FKBP3: variants seen among roughly 807,000 people sequenced by gnomAD.
FKBP3 encodes the protein peptidyl-prolyl cis-trans isomerase FKBP3.
In FKBP3, 21 loss-of-function variants were observed where a neutral mutation model predicts 30.6. The observed-to-expected ratio is 0.69, with a 90% CI of 0.49 to 0.99. FKBP3 has a LOEUF of 0.99. FKBP3 is among the 50% of genes least tolerant of loss of function. The probability of loss-of-function intolerance (pLI) is 0.00; values close to 1 mark genes in which losing one functional copy is unlikely to be tolerated. For missense variants in FKBP3, 283 were observed against 261.6 expected, an observed-to-expected ratio of 1.08 and a Z score of -0.56; for synonymous variants, 82 against 91.3, an observed-to-expected ratio of 0.90 and a Z score of 0.58.
chr14:45,134,301 A>C (rs1885319869), intron 1 of FKBP3, 48 bp downstream of exon 1: 3 of 1,402,416 alleles, frequency 2.1e-6, no homozygotes, highest in Non-Finnish European at 3.0e-6. Context: ...CAGGGGGGTG[A>C]GGCGTCCCTC....
intron 3 of FKBP3, among the ~76,000 whole-genome samples, chr14:45,128,580 T>C (rs1307543939): frequency 6.6e-6 from 1 of 152,040 alleles, no homozygotes; most frequent in Admixed American, 6.6e-5. Flanking sequence ...TCCCAAAGCA[T>C]GAAGACAGAG....
At chr14:45,123,236 A>G (rs1383341318) in intron 3 of FKBP3, among the ~76,000 whole-genome samples, 1 of 151,944 alleles carries the variant, frequency 6.6e-6, no homozygotes, top group Non-Finnish European at 1.5e-5. Context: ...CTTGGGCAAA[A>G]GATTCTCTCC....
intron 4 of FKBP3, among the ~76,000 whole-genome samples, chr14:45,121,239 A>C (rs1460997100): frequency 6.6e-6 from 1 of 152,194 alleles, no homozygotes; most frequent in African/African-American, 2.4e-5. Context: ...CTAATGCCTT[A>C]CTTTGGGACA....
At chr14:45,117,985 T>C (rs921748462) in intron 6 of FKBP3, 43 bp downstream of exon 6, 1 of 1,363,402 alleles carries the variant, frequency 7.3e-7, no homozygotes, top group Admixed American at 2.1e-5. Flanking sequence ...ATCTAGACGT[T>C]TTTTTTTTTT....
Position 45,121,468 on chromosome 14 carries a change from A to C in FKBP3, c.454+17T>G. ...AATCTCTTTAAGCCAAAAACATAAG[A>C]TTCCATTTAGACTTACTTGTTTGAA... On this transcript the variant is annotated intron_variant, in intron 4 of 6. Coordinates refer to ENST00000396062, the MANE Select transcript of FKBP3 (RefSeq NM_002013.4). 1.2e-6 allele frequency: 2 copies of C among 1,604,216 alleles called. No individual in the cohort carries two copies. The highest frequency in any genetic ancestry group is 1.7e-6 in the Non-Finnish European group (2 of 1,174,196).
intron 5 of FKBP3, among the ~76,000 whole-genome samples, chr14:45,118,853 ATTTTTTTC>A (rs975048656): frequency 2.6e-5 from 4 of 151,860 alleles, no homozygotes; most frequent in Admixed American, 6.6e-5. Context: ...CATAAAATAC[ATTTTTTTC>A]TTTTTTTCTT....
intron 3 of FKBP3, among the ~76,000 whole-genome samples, chr14:45,124,836 A>G (rs1015713956): frequency 4.6e-5 from 7 of 152,240 alleles, no homozygotes; most frequent in Admixed American, 2.0e-4. Context: ...AGGACATGTT[A>G]GAATCTGGGT....
chr14:45,131,801 G>C (rs1427646470), intron 1 of FKBP3, among the ~76,000 whole-genome samples: 9 of 152,100 alleles, frequency 5.9e-5, no homozygotes, highest in Non-Finnish European at 1.0e-4. Flanking sequence ...TTAGCATAGA[G>C]CCTGTCACAC....
chr14:45,116,780 C>T (rs767100992), intron 6 of FKBP3, among the ~76,000 whole-genome samples: 25 of 151,984 alleles, frequency 1.6e-4, no homozygotes, highest in Non-Finnish European at 2.9e-4. Flanking sequence ...TGCTTGAGCC[C>T]GGGAGGCAGA....
intron 6 of FKBP3, 44 bp downstream of exon 6, chr14:45,117,983 GT>G (rs752228117): frequency 0.022 from 22,164 of 990,050 alleles, no homozygotes; most frequent in East Asian, 0.033. Flanking sequence ...TGATCTAGAC[GT>G]TTTTTTTTTT....
chr14:45,131,049 A>C (rs1490615895), intron 1 of FKBP3: 1 of 274,338 alleles, frequency 3.6e-6, no homozygotes, highest in East Asian at 7.0e-5. Context: ...GTTTCATCCT[A>C]AACTTTTTCC....
In FKBP3 at chr14:45,116,299, A is replaced by G. The variant is rs747724449; in HGVS notation, c.621-47T>C. 4 of 1,371,388 alleles carry G rather than the reference A, an allele frequency of 2.9e-6. No individual in the cohort carries two copies. The South Asian group carries it at 4.6e-5, about 16-fold the overall frequency. 85.0% of individuals were successfully genotyped at this position (1,371,388 alleles called of 1,614,324 possible). A position where few individuals can be genotyped will look rare whatever the true frequency, so the allele number is the denominator to read the frequency against. ...ATTTGATAAAAAGTGCCTCTCCCCT[A>G]CCCCCATAACCTTAGTGTAGGATAG... On this transcript the variant is annotated intron_variant, in intron 6 of 6. Coordinates refer to ENST00000396062, the MANE Select transcript of FKBP3 (RefSeq NM_002013.4).
chr14:45,121,396 A>G, intron 4 of FKBP3, 89 bp downstream of exon 4: 1 of 1,063,784 alleles, frequency 9.4e-7, no homozygotes, highest in Non-Finnish European at 1.4e-6. Flanking sequence ...GACAGTCAGG[A>G]AAAAGGTACT....
chr14:45,118,164 C>CA, intron 5 of FKBP3, 39 bp from the exon 6 acceptor site: 3 of 1,295,768 alleles, frequency 2.3e-6, no homozygotes, highest in South Asian at 2.5e-5. Context: ...TGGTATTTTG[C>CA]AAAAAGCACA....
Position 45,120,809 on chromosome 14 carries a change from A to T in FKBP3, c.522+78T>A, listed in dbSNP as rs541083057. The T allele has an allele frequency of 1.5e-3, 1,753 of 1,190,728 alleles. 4 individuals are homozygous for T. The highest frequency in any genetic ancestry group is 2.0e-3 in the Non-Finnish European group (1,621 of 803,164). 73.8% of individuals were successfully genotyped at this position (1,190,728 alleles called of 1,614,324 possible). On this transcript the variant is annotated intron_variant, in intron 5 of 6. Coordinates refer to ENST00000396062, the MANE Select transcript of FKBP3 (RefSeq NM_002013.4). ...CTGTTTCCTTTGTATTATATCCCCA[A>T]ACCTAATTCTTTACAGCACCATACC...
At chr14:45,121,318 A>G (rs1274911610) in intron 4 of FKBP3, among the ~76,000 whole-genome samples, 167 bp downstream of exon 4, 1 of 152,204 alleles carries the variant, frequency 6.6e-6, no homozygotes, top group African/African-American at 2.4e-5. Context: ...TAGCCAGCCA[A>G]TAATCAGTGA....
chr14:45,118,552 A>G (rs928481084), intron 5 of FKBP3, among the ~76,000 whole-genome samples: 4 of 152,048 alleles, frequency 2.6e-5, no homozygotes, highest in Admixed American at 2.6e-4. Flanking sequence ...AATCACTTGA[A>G]CCCAGAAGGT....
intron 6 of FKBP3, 135 bp downstream of exon 6, chr14:45,117,893 C>T (rs1340948535): frequency 1.5e-6 from 1 of 664,516 alleles, no homozygotes. Flanking sequence ...ACATAAGCAT[C>T]TAAAGATCAG....
intron 3 of FKBP3, among the ~76,000 whole-genome samples, chr14:45,129,179 T>A (rs1885163226): frequency 6.6e-6 from 1 of 152,232 alleles, no homozygotes; most frequent in Non-Finnish European, 1.5e-5. Flanking sequence ...ATACTAAGAC[T>A]GCTGGCAATG....
Sources: allele counts gnomAD v4.1 joint callset (sites outside exome capture counted in the v4.1 genomes callset), GRCh38; gene constraint gnomAD v4.1.1; transcripts MANE v1.5; gene names NCBI Gene and HGNC (gene_info 2026-07-23, HGNC 2026-07-21).